The following CDYL variants were observed in gnomAD, a reference collection of about 807,000 sequenced individuals.
The protein encoded by CDYL is chromodomain Y like.
CDYL carries 8 observed loss-of-function variants against 47.3 expected under a neutral mutation model. The ratio of observed to expected loss-of-function variants is 0.17; its 90% CI spans 0.10 to 0.31. The LOEUF is 0.31. CDYL is among the 10% of genes least tolerant of loss of function. CDYL has a pLI of 1.00. For synonymous variants in CDYL, 266 were observed against 265.0 expected, an observed-to-expected ratio of 1.00 and a Z score of -0.04; for missense variants, 471 against 701.4, an observed-to-expected ratio of 0.67 and a Z score of 3.71.
chr6:4,920,995 C>CTGTGTGTGTG (rs112009340), intron 2 of CDYL, among the ~76,000 whole-genome samples: 10,714 of 150,746 alleles, frequency 0.071, 458 homozygotes, highest in East Asian at 0.13. Flanking sequence ...CATGATACAT[C>CTGTGTGTGTG]TGTGTGTGTG....
At chr6:4,727,392 A>G (rs1326259258) in intron 2 of CDYL, among the ~76,000 whole-genome samples, 5 of 152,156 alleles carry the variant, frequency 3.3e-5, no homozygotes, top group Non-Finnish European at 7.3e-5. Context: ...TTTTCTGTCC[A>G]TACATAGGGT....
intron 1 of CDYL, among the ~76,000 whole-genome samples, chr6:4,853,897 A>G (rs1331174847): frequency 6.6e-6 from 1 of 151,874 alleles, no homozygotes; most frequent in South Asian, 2.1e-4. Flanking sequence ...GCCTTCGCAC[A>G]CCTTGTTTCT....
At chr6:4,838,540 A>G (rs1428512806) in intron 1 of CDYL, among the ~76,000 whole-genome samples, 1 of 152,172 alleles carries the variant, frequency 6.6e-6, no homozygotes, top group African/African-American at 2.4e-5. Context: ...GTTTCTTTAT[A>G]TACTTGTTGA....
chr6:4,925,201 T>C (rs1202576975), intron 2 of CDYL, among the ~76,000 whole-genome samples: 1 of 152,212 alleles, frequency 6.6e-6, no homozygotes, highest in Non-Finnish European at 1.5e-5. Flanking sequence ...TGTGCATAAA[T>C]GTGTGACATT....
At chr6:4,819,489 C>G (rs1759773363) in intron 1 of CDYL, among the ~76,000 whole-genome samples, 1 of 151,992 alleles carries the variant, frequency 6.6e-6, no homozygotes, top group Admixed American at 6.6e-5. Flanking sequence ...CTGTTGACAA[C>G]CTTCATGTAT....
chr6:4,831,196 G>T (rs1760133526), intron 1 of CDYL, among the ~76,000 whole-genome samples: 1 of 152,122 alleles, frequency 6.6e-6, no homozygotes, highest in Non-Finnish European at 1.5e-5. Context: ...TTCTTCTAGG[G>T]TTTTTATGGT....
At chr6:4,799,999 G>T in intron 1 of CDYL, among the ~76,000 whole-genome samples, 1 of 151,832 alleles carries the variant, frequency 6.6e-6, no homozygotes, top group African/African-American at 2.4e-5. Context: ...TTCTAGCTTT[G>T]GTATATCTTT....
At chr6:4,730,674 CAAAAA>C (rs56956798) in intron 2 of CDYL, among the ~76,000 whole-genome samples, 33 of 60,454 alleles carry the variant, frequency 5.5e-4, no homozygotes, top group East Asian at 1.3e-3. Flanking sequence ...AATTCCATCT[CAAAAA>C]AAAAAAAAAA....
intron 2 of CDYL, among the ~76,000 whole-genome samples, chr6:4,931,954 A>G (rs17356441): frequency 0.029 from 4,422 of 152,320 alleles, 89 homozygotes; most frequent in South Asian, 0.043. Context: ...TCTGAGACTC[A>G]CGTATAAAGG....
At chr6:4,920,115 C>T (rs184931084) in intron 2 of CDYL, among the ~76,000 whole-genome samples, 1 of 152,280 alleles carries the variant, frequency 6.6e-6, no homozygotes, top group Admixed American at 6.5e-5. Flanking sequence ...GGATAAATAA[C>T]TAAACAGTTC....
chr6:4,758,500 A>C (rs1432144729), intron 3 of CDYL, among the ~76,000 whole-genome samples: 1 of 151,756 alleles, frequency 6.6e-6, no homozygotes, highest in African/African-American at 2.4e-5. Flanking sequence ...TCTCTACTAA[A>C]AATACAAAAG....
At chr6:4,941,361 G>A (rs1251676705) in intron 4 of CDYL, among the ~76,000 whole-genome samples, 1 of 152,212 alleles carries the variant, frequency 6.6e-6, no homozygotes, top group Non-Finnish European at 1.5e-5. Flanking sequence ...GTCCTGGGAA[G>A]TTTCTACTAG....
At chr6:4,854,406 G>A (rs1047082670) in intron 1 of CDYL, among the ~76,000 whole-genome samples, 1 of 152,188 alleles carries the variant, frequency 6.6e-6, no homozygotes. Context: ...GTTTGCACTT[G>A]AGGTTTCTCC....
At chr6:4,826,280 A>G (rs1489825362) in intron 1 of CDYL, among the ~76,000 whole-genome samples, 1 of 151,758 alleles carries the variant, frequency 6.6e-6, no homozygotes, top group East Asian at 1.9e-4. Flanking sequence ...ATGGTTTCTC[A>G]ATTTTTATTG....
rs1758802183 is a variant in CDYL, at chr6:4,954,254, GCTT to G, written c.*202_*204del. The G allele has an allele frequency of 6.0e-6, 3 of 504,014 alleles. No homozygotes were observed. Among genetic ancestry groups the G allele is most frequent in the Non-Finnish European group, 6.8e-6 (2 of 292,134 alleles). The allele number at this position is 504,014 out of a possible 1,614,324, so 31.2% of individuals were successfully genotyped here. The stretch of plus-strand genomic sequence containing the variant: ...TAACTTTAAAATAAATAACTACAAA[GCTT>G]CTTTGTCCAAACGTCATTATTTTAT... On this transcript the variant is annotated 3_prime_UTR_variant, in exon 7 of 7. Coordinates refer to ENST00000397588, the MANE Select transcript of CDYL (RefSeq NM_004824.4).
intron 2 of CDYL, among the ~76,000 whole-genome samples, chr6:4,915,063 G>C (rs1455792899): frequency 6.6e-6 from 1 of 152,210 alleles, no homozygotes; most frequent in Non-Finnish European, 1.5e-5. Flanking sequence ...CAACCTCGTA[G>C]ATCATGTTTA....
At chr6:4,833,878 C>T (rs984755120) in intron 1 of CDYL, among the ~76,000 whole-genome samples, 3 of 151,686 alleles carry the variant, frequency 2.0e-5, no homozygotes, top group African/African-American at 4.9e-5. Flanking sequence ...CTGTTTTATC[C>T]GAGACTAGGA....
At chr6:4,740,053 C>T (rs952405286) in intron 3 of CDYL, among the ~76,000 whole-genome samples, 4 of 152,078 alleles carry the variant, frequency 2.6e-5, no homozygotes, top group African/African-American at 7.2e-5. Flanking sequence ...CTTTCCTATA[C>T]TTTAAAAAAA....
Position 4,935,788 on chromosome 6 carries a change from G to T in CDYL, c.948+17G>T. The stretch of plus-strand genomic sequence containing the variant: ...AATCCAGAGGTGAGAGGCGCTCTTG[G>T]GCTGGCGTGGGCTTCGCGCTTCTCC... On this transcript the variant is annotated intron_variant, in intron 3 of 6. Transcript: ENST00000397588. 1 of 1,611,618 alleles carries T rather than the reference G, an allele frequency of 6.2e-7. No individual in the cohort carries two copies. Among genetic ancestry groups the T allele is most frequent in the Non-Finnish European group, 8.5e-7 (1 of 1,177,892 alleles).
Sources: allele counts gnomAD v4.1 joint callset (sites outside exome capture counted in the v4.1 genomes callset), GRCh38; gene constraint gnomAD v4.1.1; transcripts MANE v1.5; gene names NCBI Gene and HGNC (gene_info 2026-07-23, HGNC 2026-07-21).